TSNARE1: variants seen among roughly 807,000 people sequenced by gnomAD.
TSNARE1 encodes t-SNARE domain containing 1, also known as t-SNARE domain-containing protein 1.
In TSNARE1, 49 loss-of-function variants were observed where a neutral mutation model predicts 62.0. The ratio of observed to expected loss-of-function variants is 0.79; its 90% CI spans 0.63 to 1.00. The LOEUF is 1.00. Among genes scored for constraint, TSNARE1 ranks in the 50% least tolerant of loss-of-function variants. TSNARE1 has a pLI of 0.00. For synonymous variants in TSNARE1, 328 were observed against 294.4 expected, an observed-to-expected ratio of 1.11 and a Z score of -1.17; for missense variants, 755 against 700.1, an observed-to-expected ratio of 1.08 and a Z score of -0.88.
chr8:142,239,949 A>G (rs1393444314), intron 12 of TSNARE1, among the ~76,000 whole-genome samples: 1 of 152,262 alleles, frequency 6.6e-6, no homozygotes, highest in Non-Finnish European at 1.5e-5. Context: ...AATAAAAAAT[A>G]AAGAAGCTTT....
chr8:142,258,703 TAG>T (rs1244227599), intron 12 of TSNARE1, among the ~76,000 whole-genome samples: 1 of 152,090 alleles, frequency 6.6e-6, no homozygotes, highest in Non-Finnish European at 1.5e-5. Flanking sequence ...ATATTTTTAG[TAG>T]AGACAGAGTT....
chr8:142,375,597 A>C (rs1836270074), intron 1 of TSNARE1, among the ~76,000 whole-genome samples: 1 of 152,218 alleles, frequency 6.6e-6, no homozygotes, highest in African/African-American at 2.4e-5. Context: ...CCTCCCGGTG[A>C]AGTCCGCCAT....
chr8:142,379,911 A>C (rs1439480976), intron 1 of TSNARE1, among the ~76,000 whole-genome samples: 1 of 152,212 alleles, frequency 6.6e-6, no homozygotes, highest in South Asian at 2.1e-4. Flanking sequence ...CCTGAGGGAA[A>C]GGAAGCATCT....
At chr8:142,362,884 A>T (rs543040982) in intron 1 of TSNARE1, among the ~76,000 whole-genome samples, 8 of 152,292 alleles carry the variant, frequency 5.3e-5, no homozygotes, top group African/African-American at 1.9e-4. Context: ...CAAGAAGGGA[A>T]ATCTCAGAGG....
At chr8:142,367,512 C>T (rs1248725649) in intron 1 of TSNARE1, among the ~76,000 whole-genome samples, 6 of 111,398 alleles carry the variant, frequency 5.4e-5, no homozygotes, top group African/African-American at 2.1e-4. Flanking sequence ...GACAGATGGA[C>T]GCCGGGGCGG....
chr8:142,278,695 C>G, intron 11 of TSNARE1: 1 of 985,470 alleles, frequency 1.0e-6, no homozygotes, highest in Non-Finnish European at 1.2e-6. Flanking sequence ...GACAGAAACG[C>G]CTGGCTTCCG....
intron 1 of TSNARE1, among the ~76,000 whole-genome samples, chr8:142,401,375 C>A (rs181786727): frequency 2.0e-5 from 3 of 148,864 alleles, no homozygotes; most frequent in African/African-American, 5.1e-5. Context: ...GGCTCTGCAT[C>A]GACAGGCACA....
intron 7 of TSNARE1, 142 bp downstream of exon 7, chr8:142,318,402 G>A (rs1828920190): frequency 1.2e-6 from 1 of 802,848 alleles, no homozygotes; most frequent in Admixed American, 2.2e-5. Flanking sequence ...GGAGCCATGG[G>A]AGGCTGGGTG....
chr8:142,320,103 C>T (rs1169701074), intron 6 of TSNARE1, among the ~76,000 whole-genome samples: 2 of 152,144 alleles, frequency 1.3e-5, no homozygotes, highest in Non-Finnish European at 2.9e-5. Flanking sequence ...GCCTCCTGTC[C>T]CTCTCCCTGG....
chr8:142,348,137 C>T (rs1563963932), intron 2 of TSNARE1, among the ~76,000 whole-genome samples: 1 of 152,214 alleles, frequency 6.6e-6, no homozygotes, highest in Non-Finnish European at 1.5e-5. Flanking sequence ...AAGATCACAA[C>T]ATCCAGAGAT....
At chr8:142,314,900 C>T in intron 8 of TSNARE1, 103 bp downstream of exon 8, 1 of 1,108,812 alleles carries the variant, frequency 9.0e-7, no homozygotes, top group Non-Finnish European at 1.4e-6. Flanking sequence ...GGGGATGGGG[C>T]TGCACCAGGC....
At chr8:142,347,499 A>G (rs1833528198) in intron 2 of TSNARE1, among the ~76,000 whole-genome samples, 1 of 152,160 alleles carries the variant, frequency 6.6e-6, no homozygotes, top group Non-Finnish European at 1.5e-5. Flanking sequence ...CTCTGCACAG[A>G]GACACACTCT....
chr8:142,259,275 T>A (rs73714103), intron 12 of TSNARE1, among the ~76,000 whole-genome samples: 2,122 of 152,290 alleles, frequency 0.014, 47 homozygotes, highest in African/African-American at 0.047. Flanking sequence ...AGCAGATTGA[T>A]TTAAATCTTT....
chr8:142,323,392 C>G (rs867363713), intron 6 of TSNARE1, among the ~76,000 whole-genome samples: 4 of 152,318 alleles, frequency 2.6e-5, no homozygotes, highest in Middle Eastern at 3.4e-3. Context: ...CTCGTGGCCA[C>G]CTCCTGGGTC....
chr8:142,217,302 A>AG (rs1491451180), intron 13 of TSNARE1, among the ~76,000 whole-genome samples: 13 of 104,480 alleles, frequency 1.2e-4, no homozygotes, highest in African/African-American at 4.8e-4. Context: ...AGAAAGAAAG[A>AG]AAAAGAAAGA....
At chr8:142,349,738 C>T (rs748283231) in intron 2 of TSNARE1, among the ~76,000 whole-genome samples, 50 of 152,186 alleles carry the variant, frequency 3.3e-4, no homozygotes, top group Non-Finnish European at 6.8e-4. Flanking sequence ...GCGGCCCTGC[C>T]CGAGCTTCAC....
chr8:142,255,893 CCACCACTGTCACCATCACCACCACCAT>C (rs1818471189), intron 12 of TSNARE1, among the ~76,000 whole-genome samples: 1 of 20,358 alleles, frequency 4.9e-5, no homozygotes, highest in Non-Finnish European at 1.3e-4. Context: ...ACCACCACCA[CCACCACTGTCACCATCACCACCACCAT>C]CACCATCACC....
rs557601739 is a variant in TSNARE1, at chr8:142,376,301, T to G, written c.-39-21538A>C. ...AACTTGAGAACCGCAAGGGCGACCC[T>G]GGGGCCCAGTGAACCCTGCTGTGGT... On this transcript the variant is annotated intron_variant, in intron 1 of 13. Transcript: ENST00000524325. Among the ~76,000 whole-genome samples the G allele has an allele frequency of 8.5e-5, 13 of 152,318 alleles. No individual in the cohort carries two copies. The South Asian group carries it at 2.7e-3, about 32-fold the overall frequency.
intron 13 of TSNARE1, among the ~76,000 whole-genome samples, chr8:142,227,096 A>G (rs191757153): frequency 1.2e-3 from 171 of 138,340 alleles, no homozygotes; most frequent in Middle Eastern, 4.3e-3. Flanking sequence ...CAGGAACCCC[A>G]CTGCACCCAC....
Sources: allele counts gnomAD v4.1 joint callset (sites outside exome capture counted in the v4.1 genomes callset), GRCh38; gene constraint gnomAD v4.1.1; transcripts MANE v1.5; gene names NCBI Gene and HGNC (gene_info 2026-07-23, HGNC 2026-07-21).